The following SGCD variants were observed in gnomAD, a reference collection of about 807,000 sequenced individuals.
The protein encoded by SGCD is sarcoglycan delta.
A neutral mutation model predicts 36.6 loss-of-function variants in SGCD; 18 were observed. That is an observed-to-expected ratio of 0.49 (90% confidence interval 0.34 to 0.73). The LOEUF is 0.73. Among genes scored for constraint, SGCD ranks in the 30% least tolerant of loss-of-function variants. SGCD has a pLI of 0.01. For synonymous variants in SGCD, 133 were observed against 130.6 expected (o/e 1.02, Z -0.12); for missense variants, 387 against 346.7 (o/e 1.12, Z -0.92).
intron 1 of SGCD, among the ~76,000 whole-genome samples, chr5:155,946,593 G>A (rs903308775): frequency 5.3e-5 from 8 of 151,926 alleles, no homozygotes; most frequent in African/African-American, 1.9e-4. Context: ...GATTTAAATA[G>A]TCAGAGATTG....
At chr5:156,461,834 G>A (rs935943332) in intron 3 of SGCD, among the ~76,000 whole-genome samples, 1 of 152,012 alleles carries the variant, frequency 6.6e-6, no homozygotes, top group African/African-American at 2.4e-5. Flanking sequence ...TGACTGACCA[G>A]GTTTCTTTCC....
At chr5:155,772,741 G>C in the SGCD span, among the ~76,000 whole-genome samples, 1 of 152,146 alleles carries the variant, frequency 6.6e-6, no homozygotes, top group East Asian at 1.9e-4. Flanking sequence ...TTTTTTCTAA[G>C]AAAAGGGGAA....
intron 7 of SGCD, among the ~76,000 whole-genome samples, chr5:156,733,963 A>G (rs7727379): frequency 0.011 from 1,688 of 152,050 alleles, 42 homozygotes; most frequent in African/African-American, 0.038. Flanking sequence ...TCCTCTCATC[A>G]TGATCTTAGC....
intron 3 of SGCD, among the ~76,000 whole-genome samples, chr5:156,254,339 A>T (rs1378112714): frequency 6.6e-6 from 1 of 152,150 alleles, no homozygotes; most frequent in Non-Finnish European, 1.5e-5. Context: ...TTGTCATTTA[A>T]CATTAGGTAT....
At chr5:156,695,530 T>C (rs1026193792) in intron 7 of SGCD, among the ~76,000 whole-genome samples, 4 of 128,914 alleles carry the variant, frequency 3.1e-5, no homozygotes, top group Admixed American at 2.2e-4. Flanking sequence ...GATAGATAGA[T>C]AGATAGATAG....
intron 1 of SGCD, among the ~76,000 whole-genome samples, chr5:156,046,554 TA>T (rs2127579757): frequency 6.6e-6 from 1 of 152,328 alleles, no homozygotes; most frequent in Non-Finnish European, 1.5e-5. Context: ...TTTTCAGTAC[TA>T]TTTTACCTGT....
intron 7 of SGCD, among the ~76,000 whole-genome samples, chr5:156,673,749 G>T (rs1753399379): frequency 6.6e-6 from 1 of 152,166 alleles, no homozygotes; most frequent in Admixed American, 6.5e-5. Flanking sequence ...TTCACACTTC[G>T]TGGCAGCTTC....
At chr5:155,975,609 CTTTTTTTTTTTTTTTTTTTTTTT>C (rs763067309) in intron 1 of SGCD, among the ~76,000 whole-genome samples, 6 of 28,026 alleles carry the variant, frequency 2.1e-4, no homozygotes, top group African/African-American at 3.9e-4. Flanking sequence ...TCTTTCTTTC[CTTTTTTTTTTTTTTTTTTTTTTT>C]TTTTTTTTTT....
chr5:156,468,218 A>G (rs1246214673), intron 3 of SGCD, among the ~76,000 whole-genome samples: 3 of 151,720 alleles, frequency 2.0e-5, no homozygotes, highest in Middle Eastern at 3.2e-3. Context: ...GTGCATGACT[A>G]TAGTCTCAGC....
At chr5:156,212,491 T>C (rs1490972583) in intron 3 of SGCD, among the ~76,000 whole-genome samples, 5 of 152,184 alleles carry the variant, frequency 3.3e-5, no homozygotes, top group Admixed American at 6.5e-5. Context: ...AGCATCTAAA[T>C]ATGTGAAACA....
At chr5:156,486,564 C>A (rs1043998207) in intron 3 of SGCD, among the ~76,000 whole-genome samples, 1 of 152,122 alleles carries the variant, frequency 6.6e-6, no homozygotes, top group African/African-American at 2.4e-5. Flanking sequence ...GAAGGTCACC[C>A]AGCCCCACCC....
intron 1 of SGCD, among the ~76,000 whole-genome samples, chr5:156,104,167 T>A (rs1761587969): frequency 6.6e-6 from 1 of 152,132 alleles, no homozygotes; most frequent in South Asian, 2.1e-4. Flanking sequence ...TTAAACTTAC[T>A]ACATATTAAA....
chr5:156,306,764 G>GAAC (rs1767224103), intron 3 of SGCD, among the ~76,000 whole-genome samples: 1 of 152,152 alleles, frequency 6.6e-6, no homozygotes, highest in Admixed American at 6.5e-5. Flanking sequence ...GTGGACAGTT[G>GAAC]TTCAATTTCG....
At chr5:156,638,643 A>G (rs561469022) in intron 6 of SGCD, among the ~76,000 whole-genome samples, 38 of 152,298 alleles carry the variant, frequency 2.5e-4, no homozygotes, top group African/African-American at 8.4e-4. Flanking sequence ...TTTATTTACT[A>G]TCAAAAACGA....
intron 3 of SGCD, among the ~76,000 whole-genome samples, chr5:156,206,009 A>G (rs1764267812): frequency 6.8e-6 from 1 of 147,906 alleles, no homozygotes; most frequent in East Asian, 1.9e-4. Context: ...TATATATTAT[A>G]TATTATATAT....
chr5:155,765,248 G>A, the SGCD span, among the ~76,000 whole-genome samples: 1 of 151,540 alleles, frequency 6.6e-6, no homozygotes, highest in East Asian at 1.9e-4. Context: ...CCAGTGTACT[G>A]CAGTCTGGGC....
the SGCD span, among the ~76,000 whole-genome samples, chr5:155,853,985 C>T: frequency 1.3e-5 from 2 of 152,106 alleles, no homozygotes; most frequent in African/African-American, 4.8e-5. Context: ...GCATTCAAAG[C>T]CTTCTTCATG....
At chr5:156,109,622 A>C (rs1427719513) in intron 1 of SGCD, among the ~76,000 whole-genome samples, 1 of 152,060 alleles carries the variant, frequency 6.6e-6, no homozygotes, top group East Asian at 1.9e-4. Flanking sequence ...CTCTCTTCCA[A>C]GCTTTCTTAC....
intron 3 of SGCD, among the ~76,000 whole-genome samples, chr5:156,421,779 A>G (rs1773322030): frequency 2.0e-5 from 3 of 152,048 alleles, no homozygotes; most frequent in Admixed American, 2.0e-4. Flanking sequence ...GAATTCCTTC[A>G]CTTACTCTTT....
Sources: allele counts gnomAD v4.1 joint callset (sites outside exome capture counted in the v4.1 genomes callset), GRCh38; gene constraint gnomAD v4.1.1; transcripts MANE v1.5; gene names NCBI Gene and HGNC (gene_info 2026-07-23, HGNC 2026-07-21).